Variants in TET3 observed in about 807,000 individuals in gnomAD.
TET3 encodes the protein tet methylcytosine dioxygenase 3.
TET3 carries 19 observed loss-of-function variants against 141.4 expected under a neutral mutation model. The observed-to-expected ratio is 0.13, with a 90% CI of 0.09 to 0.20. The LOEUF (loss-of-function observed/expected upper bound fraction) is 0.20. Among genes scored for constraint, TET3 ranks in the 10% least tolerant of loss-of-function variants. The pLI is 1.00. For synonymous variants in TET3, 1,043 were observed against 980.9 expected (o/e 1.06, Z -1.18); for missense variants, 1,874 against 2,356.9 (o/e 0.80, Z 4.24).
chr2:74,076,820 G>A (rs1246128294), intron 5 of TET3, among the ~76,000 whole-genome samples: 1 of 152,150 alleles, frequency 6.6e-6, no homozygotes, highest in Non-Finnish European at 1.5e-5. Flanking sequence ...CTGCTGTCAG[G>A]AGTTGGCTGA....
intron 3 of TET3, among the ~76,000 whole-genome samples, chr2:74,042,085 A>G (rs904018582): frequency 1.3e-5 from 2 of 152,238 alleles, no homozygotes; most frequent in African/African-American, 4.8e-5. Flanking sequence ...AGACCACTAA[A>G]GACCCTTCTC....
the TET3 span, among the ~76,000 whole-genome samples, chr2:74,119,352 CAA>C: frequency 1.1e-3 from 118 of 107,554 alleles, no homozygotes; most frequent in Admixed American, 1.0e-3. Context: ...GACTCTATCT[CAA>C]AAAAAAAAAA....
intron 4 of TET3, among the ~76,000 whole-genome samples, chr2:74,051,438 T>C (rs1415223899): frequency 6.6e-6 from 1 of 152,166 alleles, no homozygotes; most frequent in Non-Finnish European, 1.5e-5. Flanking sequence ...ATATGAACAG[T>C]GGATTGTCTG....
intron 5 of TET3, among the ~76,000 whole-genome samples, chr2:74,079,427 T>C (rs1419101941): frequency 6.6e-6 from 1 of 152,164 alleles, no homozygotes; most frequent in Non-Finnish European, 1.5e-5. Flanking sequence ...TAGAAGGGAA[T>C]AGGTGGCAAA....
the TET3 span, among the ~76,000 whole-genome samples, chr2:74,124,916 A>T: frequency 6.6e-6 from 1 of 150,622 alleles, no homozygotes; most frequent in Non-Finnish European, 1.5e-5. Flanking sequence ...CCCAAGAATG[A>T]TCAATAAATA....
chr2:74,135,210 G>C, the TET3 span: 2 of 302,180 alleles, frequency 6.6e-6, no homozygotes, highest in South Asian at 1.0e-4. Context: ...GAAAAGAACA[G>C]CAATAGTAAA....
At chr2:74,075,759 C>A (rs946065630) in intron 5 of TET3, among the ~76,000 whole-genome samples, 2 of 152,150 alleles carry the variant, frequency 1.3e-5, no homozygotes, top group African/African-American at 4.8e-5. Context: ...TGTTAATTTC[C>A]TAGACCATCT....
chr2:73,994,667 C>T (rs1391714594), intron 2 of TET3, among the ~76,000 whole-genome samples: 3 of 127,356 alleles, frequency 2.4e-5, no homozygotes, highest in Non-Finnish European at 4.7e-5. Context: ...GATACGGAGT[C>T]TCGCTGTGTC....
chr2:74,042,097 C>A (rs1687371203), intron 3 of TET3, among the ~76,000 whole-genome samples: 1 of 152,206 alleles, frequency 6.6e-6, no homozygotes, highest in African/African-American at 2.4e-5. Flanking sequence ...ACCCTTCTCC[C>A]AGTTGATACA....
intron 3 of TET3, among the ~76,000 whole-genome samples, chr2:74,044,381 A>T (rs1305005623): frequency 6.6e-6 from 1 of 152,234 alleles, no homozygotes; most frequent in African/African-American, 2.4e-5. Context: ...GTATAGACAT[A>T]TTTTTCCATA....
intron 2 of TET3, among the ~76,000 whole-genome samples, chr2:73,987,945 G>A (rs1270676761): frequency 9.2e-5 from 14 of 152,224 alleles, no homozygotes; most frequent in Non-Finnish European, 1.9e-4. Context: ...AGATTCAAGT[G>A]TTGAGGACAG....
chr2:74,093,429 T>A lies in TET3; in HGVS notation c.3130-100T>A, dbSNP rs1464749714. The A allele has an allele frequency of 1.4e-6, 2 of 1,439,620 alleles. No individual in the cohort carries two copies. The highest frequency in any genetic ancestry group is 1.8e-6 in the Non-Finnish European group (2 of 1,086,514). 89.2% of individuals were successfully genotyped at this position (1,439,620 alleles called of 1,614,324 possible). Reference sequence around the variant, plus strand: ...CAGTCGAAGGGCAAGGTGACTATCATCCTTAACATCCCTCCTTCCAAGACC... The same window carrying A: ...CAGTCGAAGGGCAAGGTGACTATCAACCTTAACATCCCTCCTTCCAAGACC... On this transcript the variant is annotated intron_variant, in intron 9 of 11. Coordinates refer to ENST00000409262, the MANE Select transcript of TET3 (RefSeq NM_001287491.2). The surrounding 1 kb of genome is among the most constrained non-coding windows in gnomAD (Gnocchi z 4.2).
chr2:74,046,432 G>T lies in TET3; in HGVS notation c.515G>T (p.Gly172Val), dbSNP rs1351517666. 2.7e-5 allele frequency: 43 copies of T among 1,596,570 alleles called. No homozygotes were observed. Among genetic ancestry groups the T allele is most frequent in the African/African-American group, 6.7e-5 (5 of 74,602 alleles). ...GGACCCAGTCTGCTGGGGACTGGGG[G>T]TCCTTGGCGGGTAGACCAAAAGCCC... is the stretch of plus-strand genomic sequence containing the variant. ...PAGPSLLGTG[G>V]PWRVDQKPDW... Residue 172 changes from glycine (G) to valine (V), a missense_variant, in exon 4 of 12, where the codon GGT becomes GTT. Gly to Val is a moderately radical substitution (Grantham distance 109). Transcript: ENST00000409262. The surrounding 1 kb of genome is among the most constrained non-coding windows in gnomAD (Gnocchi z 4.3).
At chr2:74,118,992 G>T in the TET3 span, among the ~76,000 whole-genome samples, 1,148 of 152,184 alleles carry the variant, frequency 7.5e-3, 11 homozygotes, top group African/African-American at 0.027. Context: ...CACCATGCAT[G>T]TAAGTTGTAG....
At chr2:74,118,597 G>T in the TET3 span, among the ~76,000 whole-genome samples, 1 of 152,100 alleles carries the variant, frequency 6.6e-6, no homozygotes, top group African/African-American at 2.4e-5. Context: ...TTTTTGGGGA[G>T]TCAAAATGTA....
intron 3 of TET3, 58 bp downstream of exon 3, chr2:74,003,224 G>C: frequency 6.5e-7 from 1 of 1,544,100 alleles, no homozygotes; most frequent in Non-Finnish European, 8.8e-7. Context: ...TGAAGTGTTT[G>C]ACCGGATTGG....
the TET3 span, among the ~76,000 whole-genome samples, chr2:74,127,657 T>C: frequency 6.6e-6 from 1 of 151,892 alleles, no homozygotes; most frequent in Non-Finnish European, 1.5e-5. Context: ...GATTAGCTTT[T>C]AAAATGCCTG....
the TET3 span, among the ~76,000 whole-genome samples, chr2:74,117,605 T>C: frequency 6.6e-6 from 1 of 152,174 alleles, no homozygotes; most frequent in Non-Finnish European, 1.5e-5. Flanking sequence ...AGCACCCACA[T>C]ACTCTTCACC....
intron 3 of TET3, among the ~76,000 whole-genome samples, chr2:74,005,020 C>T (rs1037660951): frequency 1.3e-5 from 2 of 152,190 alleles, no homozygotes; most frequent in Admixed American, 1.3e-4. Flanking sequence ...TAGAGCTTCC[C>T]TCTCTGCTGG....
Sources: allele counts gnomAD v4.1 joint callset (sites outside exome capture counted in the v4.1 genomes callset), GRCh38; gene constraint gnomAD v4.1.1; non-coding constraint Gnocchi (gnomAD v3.1); transcripts MANE v1.5; gene names NCBI Gene and HGNC (gene_info 2026-07-23, HGNC 2026-07-21).